The following CCDC85A variants were observed in gnomAD, a reference collection of about 807,000 sequenced individuals.
The protein encoded by CCDC85A is coiled-coil domain containing 85A.
A neutral mutation model predicts 50.2 loss-of-function variants in CCDC85A; 38 were observed. The observed-to-expected ratio is 0.76, with a 90% confidence interval of 0.58 to 0.99. The LOEUF (loss-of-function observed/expected upper bound fraction) is 0.99, where lower values mean the gene tolerates loss of function less well. Among genes scored for constraint, CCDC85A ranks in the 50% least tolerant of loss-of-function variants. The pLI is 0.00. For missense variants in CCDC85A, 820 were observed against 742.0 expected (o/e 1.11, Z -1.22); for synonymous variants, 366 against 301.4 (o/e 1.21, Z -2.22).
chr2:56,190,233 A>C (rs1260056697), intron 1 of CCDC85A, among the ~76,000 whole-genome samples: 1 of 152,158 alleles, frequency 6.6e-6, no homozygotes, highest in Non-Finnish European at 1.5e-5. Context: ...AGGCTTTTTG[A>C]AGCAGTGAAA....
chr2:56,279,945 C>G (rs184447709), intron 2 of CCDC85A, among the ~76,000 whole-genome samples: 13 of 152,318 alleles, frequency 8.5e-5, no homozygotes, highest in African/African-American at 2.6e-4. Flanking sequence ...AAAGTTGGTG[C>G]TGTTAATACA....
At position 56,192,938 on chromosome 2, in the gene CCDC85A, G is replaced by A. The variant is rs757126869; in HGVS notation, c.738G>A (p.Pro246=). ...HLQKPRSEGS[P]EHSKHRSASP... Reference sequence around the variant, plus strand: ...AGAAGCCCCGGAGCGAGGGCAGCCCGGAGCACTCCAAGCACAGGAGCGCCA... The same window carrying A: ...AGAAGCCCCGGAGCGAGGGCAGCCCAGAGCACTCCAAGCACAGGAGCGCCA... Residue 246 remains proline (P), a synonymous_variant, in exon 2 of 6, where the codon CCG becomes CCA. Coordinates refer to ENST00000407595, the MANE Select transcript of CCDC85A (RefSeq NM_001080433.2). The surrounding 1 kb of genome is among the most constrained non-coding windows in gnomAD (Gnocchi z 4.7). 2.0e-5 allele frequency: 32 copies of A among 1,612,674 alleles called. 1 individual carries two copies. The highest frequency in any genetic ancestry group is 1.4e-5 in the Non-Finnish European group (16 of 1,179,622).
intron 5 of CCDC85A, among the ~76,000 whole-genome samples, chr2:56,382,140 A>G (rs761583762): frequency 2.0e-5 from 3 of 152,072 alleles, no homozygotes; most frequent in East Asian, 1.9e-4. Context: ...TCAAAAACAC[A>G]TAGTCAATGC....
chr2:56,225,580 A>T (rs1056757784), intron 2 of CCDC85A, among the ~76,000 whole-genome samples: 12 of 152,092 alleles, frequency 7.9e-5, no homozygotes, highest in African/African-American at 2.9e-4. Flanking sequence ...GAGTCTTTTA[A>T]CTGTTTACCC....
intron 2 of CCDC85A, among the ~76,000 whole-genome samples, chr2:56,311,920 T>G (rs1002983137): frequency 6.6e-6 from 1 of 152,062 alleles, no homozygotes; most frequent in African/African-American, 2.4e-5. Context: ...GCATCACATT[T>G]TAACAAGATC....
At chr2:56,246,638 T>C (rs1669523947) in intron 2 of CCDC85A, among the ~76,000 whole-genome samples, 1 of 152,206 alleles carries the variant, frequency 6.6e-6, no homozygotes, top group Non-Finnish European at 1.5e-5. Flanking sequence ...CTTTCTCCAT[T>C]GAATTGCCTT....
chr2:56,209,611 G>A (rs1677105372), intron 2 of CCDC85A, among the ~76,000 whole-genome samples: 2 of 151,910 alleles, frequency 1.3e-5, no homozygotes, highest in South Asian at 4.2e-4. Context: ...AGGAACTTCT[G>A]AGAATTTGTA....
intron 2 of CCDC85A, among the ~76,000 whole-genome samples, chr2:56,220,803 C>T (rs1166763674): frequency 6.6e-6 from 1 of 151,978 alleles, no homozygotes; most frequent in African/African-American, 2.4e-5. Context: ...ATTGATATCC[C>T]CTTTGATACA....
intron 2 of CCDC85A, among the ~76,000 whole-genome samples, chr2:56,325,047 T>C (rs564110985): frequency 3.7e-4 from 57 of 152,136 alleles, no homozygotes; most frequent in Admixed American, 6.6e-4. Flanking sequence ...TTATCTTCTT[T>C]GAAAGTTAAA....
chr2:56,193,564 G>A, intron 2 of CCDC85A, 124 bp downstream of exon 2: 1 of 1,124,420 alleles, frequency 8.9e-7, no homozygotes, highest in Non-Finnish European at 1.2e-6. Flanking sequence ...GTTTGGGGAA[G>A]GAGCAAATGT....
At chr2:56,343,199 A>T (rs992757820) in intron 3 of CCDC85A, among the ~76,000 whole-genome samples, 5 of 152,220 alleles carry the variant, frequency 3.3e-5, no homozygotes, top group African/African-American at 1.2e-4. Flanking sequence ...TGAAAGGAAG[A>T]ACAAAGGAGA....
At chr2:56,259,569 T>C (rs941820629) in intron 2 of CCDC85A, among the ~76,000 whole-genome samples, 3 of 152,220 alleles carry the variant, frequency 2.0e-5, no homozygotes, top group Admixed American at 6.5e-5. Context: ...CATAAAGTTG[T>C]AGCTTTCACC....
chr2:56,195,459 C>T (rs556441259), intron 2 of CCDC85A, among the ~76,000 whole-genome samples: 1 of 152,152 alleles, frequency 6.6e-6, no homozygotes, highest in South Asian at 2.1e-4. Flanking sequence ...AGTGACCAAT[C>T]TTATGCTGAG....
chr2:56,202,497 G>T (rs190131849), intron 2 of CCDC85A, among the ~76,000 whole-genome samples: 128 of 152,310 alleles, frequency 8.4e-4, no homozygotes, highest in Non-Finnish European at 1.0e-3. Context: ...CAGCCAAAGT[G>T]CTGTGTCCAG....
chr2:56,219,499 C>G (rs1668227621), intron 2 of CCDC85A, among the ~76,000 whole-genome samples: 1 of 151,712 alleles, frequency 6.6e-6, no homozygotes, highest in Non-Finnish European at 1.5e-5. Flanking sequence ...CAATGACAAA[C>G]TGCTTGTAAA....
At chr2:56,249,514 T>C (rs376806075) in intron 2 of CCDC85A, among the ~76,000 whole-genome samples, 25 of 152,314 alleles carry the variant, frequency 1.6e-4, no homozygotes, top group African/African-American at 6.0e-4. Context: ...AAGAACAGCC[T>C]CAGAAGACAC....
At chr2:56,254,609 G>A (rs374277140) in intron 2 of CCDC85A, among the ~76,000 whole-genome samples, 3 of 152,080 alleles carry the variant, frequency 2.0e-5, no homozygotes, top group Admixed American at 6.5e-5. Flanking sequence ...ACTAAAATAC[G>A]CATGGTGTCC....
chr2:56,281,542 A>T (rs370035561), intron 2 of CCDC85A, among the ~76,000 whole-genome samples: 67 of 152,190 alleles, frequency 4.4e-4, no homozygotes, highest in African/African-American at 1.6e-3. Context: ...TCCCATCATA[A>T]GTGTTTGAAA....
intron 2 of CCDC85A, chr2:56,235,460 T>C (rs1668964068): frequency 6.6e-6 from 1 of 151,286 alleles, no homozygotes; most frequent in South Asian, 2.1e-4. Context: ...TTTTTGAGCA[T>C]GAATGAAAAA....
Sources: allele counts gnomAD v4.1 joint callset (sites outside exome capture counted in the v4.1 genomes callset), GRCh38; gene constraint gnomAD v4.1.1; non-coding constraint Gnocchi (gnomAD v3.1); transcripts MANE v1.5; gene names NCBI Gene and HGNC (gene_info 2026-07-23, HGNC 2026-07-21).